AGMO: variants seen among roughly 807,000 people sequenced by gnomAD.
AGMO encodes the protein alkylglycerol monooxygenase.
A neutral mutation model predicts 60.2 loss-of-function variants in AGMO; 75 were observed. The ratio of observed to expected loss-of-function variants is 1.25; its 90% confidence interval spans 1.03 to 1.51. The LOEUF (loss-of-function observed/expected upper bound fraction) is 1.51, where lower values mean the gene tolerates loss of function less well. Among genes scored for constraint, AGMO ranks in the 40% most tolerant of loss-of-function variants. The pLI is 0.00. For missense variants in AGMO, 763 were observed against 525.5 expected (o/e 1.45, Z -4.42); for synonymous variants, 261 against 177.1 (o/e 1.47, Z -3.76).
chr7:15,437,229 TATC>T (rs1781426841), intron 3 of AGMO, among the ~76,000 whole-genome samples: 1 of 152,212 alleles, frequency 6.6e-6, no homozygotes, highest in Non-Finnish European at 1.5e-5. Flanking sequence ...TCATCAATTT[TATC>T]ATCATAACTC....
chr7:15,555,142 A>G (rs1342067562), intron 2 of AGMO, among the ~76,000 whole-genome samples: 2 of 151,744 alleles, frequency 1.3e-5, no homozygotes, highest in Non-Finnish European at 2.9e-5. Flanking sequence ...CAAAACTAAA[A>G]AAAAATTAGA....
chr7:15,229,697 ATTATT>A (rs1782195956), intron 12 of AGMO, among the ~76,000 whole-genome samples: 1 of 141,144 alleles, frequency 7.1e-6, no homozygotes, highest in Admixed American at 7.2e-5. Context: ...TATATAACTA[ATTATT>A]TATATATATA....
At chr7:15,137,672 G>A in the AGMO span, among the ~76,000 whole-genome samples, 1 of 152,128 alleles carries the variant, frequency 6.6e-6, no homozygotes, top group African/African-American at 2.4e-5. Flanking sequence ...TATAGCAGAA[G>A]ATTAGTAGGA....
intron 2 of AGMO, among the ~76,000 whole-genome samples, chr7:15,551,085 G>A (rs1784945203): frequency 1.3e-5 from 2 of 151,936 alleles, no homozygotes; most frequent in Admixed American, 6.6e-5. Context: ...TATCTCAATA[G>A]ATGCAGGAAA....
chr7:15,395,706 T>C (rs1275709526), intron 5 of AGMO, among the ~76,000 whole-genome samples: 2 of 152,188 alleles, frequency 1.3e-5, no homozygotes, highest in African/African-American at 2.4e-5. Flanking sequence ...TTTATGAATG[T>C]TTGAAAAAGT....
chr7:15,463,760 T>C (rs1014291884), intron 3 of AGMO, among the ~76,000 whole-genome samples: 4 of 152,178 alleles, frequency 2.6e-5, no homozygotes, highest in African/African-American at 9.6e-5. Context: ...AGCCTTTTCT[T>C]TCTGTCTGAA....
intron 10 of AGMO, among the ~76,000 whole-genome samples, chr7:15,372,600 C>T (rs1197572235): frequency 3.3e-5 from 5 of 151,894 alleles, no homozygotes; most frequent in Middle Eastern, 3.4e-3. Flanking sequence ...AGTATTTGCC[C>T]GTAAGACCAC....
At chr7:15,539,644 TG>T (rs1784570741) in intron 3 of AGMO, among the ~76,000 whole-genome samples, 1 of 152,196 alleles carries the variant, frequency 6.6e-6, no homozygotes, top group Non-Finnish European at 1.5e-5. Flanking sequence ...TATATTCCTT[TG>T]GGCATATACT....
At chr7:15,206,227 CAG>C (rs1367378638) in intron 12 of AGMO, among the ~76,000 whole-genome samples, 1 of 151,984 alleles carries the variant, frequency 6.6e-6, no homozygotes, top group Non-Finnish European at 1.5e-5. Flanking sequence ...CTGGAAACAT[CAG>C]AAATACATTA....
At chr7:15,271,845 A>T (rs376855318) in intron 12 of AGMO, among the ~76,000 whole-genome samples, 5 of 152,114 alleles carry the variant, frequency 3.3e-5, no homozygotes, top group East Asian at 3.9e-4. Flanking sequence ...TTTTTCTTCA[A>T]TGACTGGTTT....
the AGMO span, among the ~76,000 whole-genome samples, chr7:15,153,739 G>C: frequency 6.6e-6 from 1 of 152,034 alleles, no homozygotes. Context: ...GGTGACTATG[G>C]CCTTAAAGTA....
intron 10 of AGMO, among the ~76,000 whole-genome samples, chr7:15,378,461 G>A (rs771812728): frequency 2.1e-4 from 32 of 151,776 alleles, no homozygotes; most frequent in Admixed American, 6.6e-4. Flanking sequence ...TGTTTTCTCC[G>A]TCCCTTTATG....
At chr7:15,536,287 C>A (rs1486123250) in intron 3 of AGMO, among the ~76,000 whole-genome samples, 1 of 151,810 alleles carries the variant, frequency 6.6e-6, no homozygotes, top group Non-Finnish European at 1.5e-5. Flanking sequence ...ACTCAGGGAA[C>A]TTGGCTCCAG....
intron 12 of AGMO, among the ~76,000 whole-genome samples, chr7:15,237,874 T>G (rs1036805553): frequency 1.3e-5 from 2 of 152,102 alleles, no homozygotes; most frequent in Admixed American, 1.3e-4. Flanking sequence ...ATAAACCTTC[T>G]TTCAACTTCT....
chr7:15,454,365 A>C (rs1781942026), intron 3 of AGMO, among the ~76,000 whole-genome samples: 1 of 114,116 alleles, frequency 8.8e-6, no homozygotes, highest in East Asian at 2.1e-4. Context: ...CACCACACAC[A>C]CACACACACA....
chr7:15,317,871 ATATATATATACACACG>A (rs1377747117), intron 12 of AGMO, among the ~76,000 whole-genome samples: 3 of 148,150 alleles, frequency 2.0e-5, no homozygotes, highest in South Asian at 2.1e-4. Context: ...ACACACACGT[ATATATATATACACACG>A]TATATATATA....
intron 12 of AGMO, among the ~76,000 whole-genome samples, chr7:15,211,043 A>G (rs909753722): frequency 6.6e-6 from 1 of 151,888 alleles, no homozygotes; most frequent in African/African-American, 2.4e-5. Context: ...TGGGACATAA[A>G]GGGACTGGTA....
chr7:15,446,535 T>C (rs1253653220), intron 3 of AGMO, among the ~76,000 whole-genome samples: 1 of 152,216 alleles, frequency 6.6e-6, no homozygotes, highest in South Asian at 2.1e-4. Flanking sequence ...CCAGCTGATA[T>C]GCACATGTAA....
chr7:15,531,083 TA>T (rs1784315471), intron 3 of AGMO, among the ~76,000 whole-genome samples: 1 of 6,676 alleles, frequency 1.5e-4, no homozygotes, highest in African/African-American at 7.5e-4. Flanking sequence ...ATATATATTC[TA>T]TATATATATT....
Sources: gnomAD v4.1 joint callset for allele counts (sites outside exome capture counted in the v4.1 genomes callset) on GRCh38, gnomAD v4.1.1 for gene constraint, MANE v1.5 for transcripts, NCBI Gene and HGNC (gene_info 2026-07-23, HGNC 2026-07-21) for gene names.